Variants in SPTBN4 observed in about 807,000 individuals in gnomAD.
SPTBN4 encodes the protein spectrin beta, non-erythrocytic 4.
SPTBN4 carries 96 observed loss-of-function variants against 277.8 expected under a neutral mutation model. That is an observed-to-expected ratio of 0.35 (90% CI 0.29 to 0.41). The LOEUF (loss-of-function observed/expected upper bound fraction) is 0.41, where lower values mean the gene tolerates loss of function less well. Ranked by LOEUF, SPTBN4 falls within the 10% of genes least tolerant of loss-of-function variation. SPTBN4 has a pLI of 1.00. For synonymous variants in SPTBN4, 1,481 were observed against 1,580.3 expected (o/e 0.94, Z 1.49); for missense variants, 3,006 against 3,595.7 (o/e 0.84, Z 4.19).
At chr19:40,572,303 C>A (rs775941470) in intron 34 of SPTBN4, 35 bp from the exon 35 acceptor site, 1 of 1,613,148 alleles carries the variant, frequency 6.2e-7, no homozygotes, top group South Asian at 1.1e-5. Context: ...GGGCCCCTTC[C>A]CCAGATCTCT....
chr19:40,530,330 G>A (rs1238166950), intron 18 of SPTBN4, among the ~76,000 whole-genome samples: 1 of 151,996 alleles, frequency 6.6e-6, no homozygotes, highest in East Asian at 1.9e-4. Flanking sequence ...CTGAGATGGC[G>A]CAGAAGCCCC....
At chr19:40,557,776 G>C (rs2080998500) in intron 26 of SPTBN4, among the ~76,000 whole-genome samples, 1 of 152,000 alleles carries the variant, frequency 6.6e-6, no homozygotes, top group Non-Finnish European at 1.5e-5. Context: ...AAATTAGCCA[G>C]GTCTGGTGGC....
chr19:40,510,043 C>T (rs1229243655), intron 13 of SPTBN4, among the ~76,000 whole-genome samples: 1 of 151,984 alleles, frequency 6.6e-6, no homozygotes, highest in East Asian at 1.9e-4. Flanking sequence ...AGCAGAGGGG[C>T]CAGTGTGGGG....
intron 20 of SPTBN4, among the ~76,000 whole-genome samples, chr19:40,535,715 G>A (rs943658985): frequency 3.0e-4 from 46 of 152,176 alleles, no homozygotes; most frequent in African/African-American, 1.1e-3. Context: ...GGCGGATCAC[G>A]AGGTCAACAG....
intron 4 of SPTBN4, among the ~76,000 whole-genome samples, chr19:40,491,834 C>A (rs188206237): frequency 6.7e-5 from 10 of 149,782 alleles, no homozygotes; most frequent in Admixed American, 1.3e-4. Flanking sequence ...ACAAGCCTGA[C>A]AAACATGGAG....
chr19:40,553,549 C>CA (rs1158752330), intron 22 of SPTBN4, among the ~76,000 whole-genome samples: 1 of 151,982 alleles, frequency 6.6e-6, no homozygotes, highest in Admixed American at 6.6e-5. Context: ...TTAAGGCACA[C>CA]AAAAAGTTAA....
chr19:40,570,221 G>A (rs1032188590), intron 32 of SPTBN4, among the ~76,000 whole-genome samples: 1 of 151,556 alleles, frequency 6.6e-6, no homozygotes, highest in Non-Finnish European at 1.5e-5. Context: ...TTCCACCACC[G>A]AGAGAGATTC....
At chr19:40,545,784 G>C (rs1367936934) in intron 20 of SPTBN4, among the ~76,000 whole-genome samples, 2 of 152,032 alleles carry the variant, frequency 1.3e-5, no homozygotes, top group African/African-American at 2.4e-5. Context: ...GCTCACGCCT[G>C]TAATCCCAGC....
chr19:40,487,147 TG>T (rs2080081456), intron 2 of SPTBN4, among the ~76,000 whole-genome samples: 1 of 151,730 alleles, frequency 6.6e-6, no homozygotes. Context: ...GCAATTCTCC[TG>T]CCTCAGTCTC....
rs139987706 is a variant in SPTBN4 at position 40,495,174 on chromosome 19, C to T, written c.668+197C>T. On this transcript the variant is annotated intron_variant, in intron 6 of 35. Coordinates refer to ENST00000598249, the MANE Select transcript of SPTBN4 (RefSeq NM_020971.3). ...TTACACACAGGAACACACACCCACACAGGCTCCTGTCCAGGCCACATACCC... is the reference window on the plus strand; with the variant it reads ...TTACACACAGGAACACACACCCACATAGGCTCCTGTCCAGGCCACATACCC... Among the ~76,000 whole-genome samples, 18 of 152,320 alleles carry T rather than the reference C, an allele frequency of 1.2e-4. No homozygotes were observed. The East Asian group carries it at 3.5e-3, about 29-fold the overall frequency.
intron 26 of SPTBN4, among the ~76,000 whole-genome samples, chr19:40,557,900 A>G (rs552427586): frequency 6.8e-6 from 1 of 147,496 alleles, no homozygotes; most frequent in Non-Finnish European, 1.5e-5. Context: ...CCTATGTGAC[A>G]AGAGTGATAC....
chr19:40,506,455 G>T, intron 13 of SPTBN4, 69 bp downstream of exon 13: 1 of 1,532,270 alleles, frequency 6.5e-7, no homozygotes, highest in Non-Finnish European at 8.8e-7. Context: ...AGAGGCAAGA[G>T]TGACTCCTGA....
intron 27 of SPTBN4, among the ~76,000 whole-genome samples, chr19:40,563,151 G>T (rs2081059867): frequency 6.6e-6 from 1 of 152,088 alleles, no homozygotes; most frequent in Non-Finnish European, 1.5e-5. Flanking sequence ...GGGTCAGGCT[G>T]CAGTGAGCCA....
intron 1 of SPTBN4, among the ~76,000 whole-genome samples, chr19:40,469,254 G>C (rs1292435632): frequency 6.6e-6 from 1 of 151,744 alleles, no homozygotes; most frequent in South Asian, 2.1e-4. Flanking sequence ...TTCCTCCTTT[G>C]TTAGTCTTTT....
intron 2 of SPTBN4, among the ~76,000 whole-genome samples, chr19:40,485,237 C>A (rs1380004195): frequency 4.6e-5 from 7 of 152,150 alleles, no homozygotes; most frequent in Admixed American, 3.3e-4. Context: ...GCAACCTCCA[C>A]CTCCCTGGTT....
At position 40,490,913 on chromosome 19, in the gene SPTBN4, A is replaced by G. The variant is rs150672041; in HGVS notation, c.495+665A>G. Among the ~76,000 whole-genome samples, 2,463 of 152,132 alleles carry G rather than the reference A, an allele frequency of 0.016. 72 individuals are homozygous for G. The highest frequency in any genetic ancestry group is 0.057 in the African/African-American group (2,379 of 41,486). On this transcript the variant is annotated intron_variant, in intron 4 of 35. Coordinates refer to ENST00000598249, the MANE Select transcript of SPTBN4 (RefSeq NM_020971.3). The surrounding 1 kb of genome is among the most constrained non-coding windows in gnomAD (Gnocchi z 4.3). ...AAAAATTAGCCAGGCATGGTGGTGC[A>G]TGCCTGTGGTCCCAGCTACTCAGGA...
Position 40,554,774 on chromosome 19 carries a change from C to T in SPTBN4, c.5084+128C>T. 1 of 1,452,754 alleles carries T rather than the reference C, an allele frequency of 6.9e-7. No individual in the cohort carries two copies. Among genetic ancestry groups the T allele is most frequent in the Non-Finnish European group, 9.3e-7 (1 of 1,075,784 alleles). The allele number at this position is 1,452,754 out of a possible 1,614,324, so 90.0% of individuals were successfully genotyped here. On this transcript the variant is annotated intron_variant, in intron 24 of 35. Transcript: ENST00000598249. The surrounding 1 kb of genome is among the most constrained non-coding windows in gnomAD (Gnocchi z 5.7). ...GTCCTCCTTGCTGTGTGCTGGAGCC[C>T]TCGAATTTGGCAAGTGGGCGGGCCG...
intron 13 of SPTBN4, among the ~76,000 whole-genome samples, chr19:40,512,250 T>C (rs1254360372): frequency 1.3e-5 from 2 of 152,252 alleles, no homozygotes; most frequent in African/African-American, 2.4e-5. Context: ...AACAAATCAC[T>C]ACATTCACTA....
intron 13 of SPTBN4, among the ~76,000 whole-genome samples, chr19:40,507,533 CAAAAAAGAAAA>C (rs2080343905): frequency 6.7e-6 from 1 of 148,742 alleles, no homozygotes; most frequent in African/African-American, 2.5e-5. Context: ...ATCTCTATAT[CAAAAAAGAAAA>C]AAAAAAGAAA....
Sources: allele counts gnomAD v4.1 joint callset (sites outside exome capture counted in the v4.1 genomes callset), GRCh38; gene constraint gnomAD v4.1.1; non-coding constraint Gnocchi (gnomAD v3.1); transcripts MANE v1.5; gene names NCBI Gene and HGNC (gene_info 2026-07-23, HGNC 2026-07-21).